The following SERPINB12 variants were observed in gnomAD, a reference collection of about 807,000 sequenced individuals.
SERPINB12 encodes the protein serpin family B member 12, also known as serpin B12.
A neutral mutation model predicts 41.1 loss-of-function variants in SERPINB12; 57 were observed. That is an observed-to-expected ratio of 1.39 (90% CI 1.12 to 1.73). The LOEUF is 1.73. Ranked by LOEUF, SERPINB12 falls within the 40% of genes most tolerant of loss-of-function variation. The pLI, the probability that SERPINB12 is intolerant of heterozygous loss-of-function variation, is 0.00. For synonymous variants in SERPINB12, 180 were observed against 181.3 expected (o/e 0.99, Z 0.06); for missense variants, 536 against 501.9 (o/e 1.07, Z -0.65).
At chr18:63,542,162 C>T (rs1231088032), upstream of SERPINB12, among the ~76,000 whole-genome samples, 2 of 152,128 alleles carry the variant, frequency 1.3e-5, no homozygotes, top group African/African-American at 4.8e-5. Context: ...TAACCCCTAA[C>T]CTGTGTTTTT....
intron 5 of SERPINB12, among the ~76,000 whole-genome samples, chr18:63,562,324 G>A (rs1031713153): frequency 1.3e-5 from 2 of 152,246 alleles, no homozygotes; most frequent in Admixed American, 6.5e-5. Flanking sequence ...ATCGTGTGGG[G>A]CTGGCGAAGG....
chr18:63,560,134 G>T (rs117257395), intron 4 of SERPINB12, among the ~76,000 whole-genome samples: 26 of 152,106 alleles, frequency 1.7e-4, no homozygotes, highest in African/African-American at 6.3e-4. Flanking sequence ...GGCTACCCCC[G>T]CAATGCAATT....
At chr18:63,548,064 A>C (rs567761886) in intron 1 of SERPINB12, among the ~76,000 whole-genome samples, 1 of 152,302 alleles carries the variant, frequency 6.6e-6, no homozygotes, top group East Asian at 1.9e-4. Context: ...AGTATAAAAA[A>C]TAATTACCTT....
chr18:63,550,039 G>A (rs1045413060), intron 1 of SERPINB12, among the ~76,000 whole-genome samples: 10 of 152,112 alleles, frequency 6.6e-5, no homozygotes, highest in Admixed American at 6.5e-4. Flanking sequence ...TTTGTGAAAT[G>A]CCAGACATAT....
chr18:63,541,852 G>A (rs900436241), upstream of SERPINB12, among the ~76,000 whole-genome samples: 1 of 152,096 alleles, frequency 6.6e-6, no homozygotes, highest in African/African-American at 2.4e-5. Context: ...TAACTGGTGA[G>A]GATGCTCAGG....
chr18:63,523,330 TGAA>T, the SERPINB12 span, among the ~76,000 whole-genome samples: 1 of 152,220 alleles, frequency 6.6e-6, no homozygotes, highest in Non-Finnish European at 1.5e-5. Context: ...AGTAAACTCA[TGAA>T]GACAACATGA....
chr18:63,549,858 G>T (rs975459239), intron 1 of SERPINB12, among the ~76,000 whole-genome samples: 1 of 152,206 alleles, frequency 6.6e-6, no homozygotes, highest in Non-Finnish European at 1.5e-5. Context: ...CATGGCTTTT[G>T]TGAGCACAAG....
chr18:63,519,145 G>A, the SERPINB12 span, among the ~76,000 whole-genome samples: 22 of 152,120 alleles, frequency 1.4e-4, no homozygotes, highest in Non-Finnish European at 3.1e-4. Context: ...GCAAGGCACT[G>A]CCCAAAAGCA....
chr18:63,567,816 C>T lies in SERPINB12; in HGVS notation c.*805C>T, dbSNP rs1158431621. Among the ~76,000 whole-genome samples the T allele has an allele frequency of 6.6e-6, 1 of 152,252 alleles. No individual in the cohort carries two copies. The highest frequency in any genetic ancestry group is 1.5e-5 in the Non-Finnish European group (1 of 68,044). On this transcript the variant is annotated 3_prime_UTR_variant, in exon 8 of 8. Coordinates refer to ENST00000382768, the MANE Select transcript of SERPINB12 (RefSeq NM_001307928.2). ...TCCAAGAATTCCCACCTGTGGCTAG[C>T]TCCTTTTATGCACCCAGCACAGGCA...
the SERPINB12 span, among the ~76,000 whole-genome samples, chr18:63,535,689 T>G: frequency 6.6e-6 from 1 of 152,196 alleles, no homozygotes; most frequent in Non-Finnish European, 1.5e-5. Context: ...CTATGAACTG[T>G]GGATTATGTT....
chr18:63,542,365 C>T (rs1026865481), upstream of SERPINB12, among the ~76,000 whole-genome samples: 8 of 152,222 alleles, frequency 5.3e-5, no homozygotes, highest in African/African-American at 1.9e-4. Context: ...ATAGCTTGCT[C>T]AATGCCTCTC....
chr18:63,558,589 C>T, intron 3 of SERPINB12, 103 bp downstream of exon 3: 2 of 1,261,696 alleles, frequency 1.6e-6, no homozygotes, highest in Non-Finnish European at 2.1e-6. Context: ...ATATTAGACT[C>T]TGGATACCAT....
At chr18:63,550,240 C>T (rs915578535) in intron 1 of SERPINB12, among the ~76,000 whole-genome samples, 4 of 152,160 alleles carry the variant, frequency 2.6e-5, no homozygotes, top group Non-Finnish European at 4.4e-5. Context: ...CACTAAGAGG[C>T]AGCCTGTGTG....
upstream of SERPINB12, among the ~76,000 whole-genome samples, chr18:63,540,815 T>C (rs896255220): frequency 5.3e-5 from 8 of 152,164 alleles, no homozygotes; most frequent in Non-Finnish European, 1.0e-4. Context: ...GTCATTAACA[T>C]AGTCACTCAA....
chr18:63,567,482 A>G lies in SERPINB12; in HGVS notation c.*471A>G, dbSNP rs1004148532. On this transcript the variant is annotated 3_prime_UTR_variant, in exon 8 of 8. Transcript: ENST00000382768. The stretch of plus-strand genomic sequence containing the variant: ...CAGCTCTGTTTCTGGGATAGTTATG[A>G]TTGTGGTCATCACTGGGCGAGATGC... Among the ~76,000 whole-genome samples the G allele has an allele frequency of 6.6e-6, 1 of 152,066 alleles. No homozygotes were observed. Among genetic ancestry groups the G allele is most frequent in the Non-Finnish European group, 1.5e-5 (1 of 68,008 alleles).
chr18:63,532,189 A>G, the SERPINB12 span, among the ~76,000 whole-genome samples: 1 of 152,160 alleles, frequency 6.6e-6, no homozygotes, highest in Non-Finnish European at 1.5e-5. Context: ...CAGATATAGG[A>G]CACAATCATA....
At chr18:63,535,679 C>A in the SERPINB12 span, among the ~76,000 whole-genome samples, 1 of 152,220 alleles carries the variant, frequency 6.6e-6, no homozygotes, top group South Asian at 2.1e-4. Flanking sequence ...GGAATATGAA[C>A]TATGAACTGT....
intron 2 of SERPINB12, 62 bp from the exon 3 acceptor site, chr18:63,558,290 G>C: frequency 2.0e-6 from 3 of 1,507,014 alleles, no homozygotes; most frequent in Non-Finnish European, 2.7e-6. Flanking sequence ...AAATGTTTCT[G>C]AAGTTATTCA....
the SERPINB12 span, among the ~76,000 whole-genome samples, chr18:63,533,333 A>G: frequency 2.5e-3 from 384 of 152,320 alleles, 18 homozygotes; most frequent in East Asian, 0.07. Context: ...ATGTGTAAGA[A>G]GGTTGAATCC....
Sources: gnomAD v4.1 joint callset for allele counts (sites outside exome capture counted in the v4.1 genomes callset) on GRCh38, gnomAD v4.1.1 for gene constraint, MANE v1.5 for transcripts, NCBI Gene and HGNC (gene_info 2026-07-23, HGNC 2026-07-21) for gene names.